CDC5L: variants seen among roughly 807,000 people sequenced by gnomAD.
CDC5L encodes cell division cycle 5 like.
In CDC5L, 18 loss-of-function variants were observed where a neutral mutation model predicts 104.1. The ratio of observed to expected loss-of-function variants is 0.17; its 90% CI spans 0.12 to 0.26. The LOEUF is 0.26. Ranked by LOEUF, CDC5L falls within the 10% of genes least tolerant of loss-of-function variation. The probability of loss-of-function intolerance (pLI) is 1.00; values close to 1 mark genes in which losing one functional copy is unlikely to be tolerated. For missense variants in CDC5L, 673 were observed against 956.9 expected (o/e 0.70, Z 3.91); for synonymous variants, 331 against 322.7 (o/e 1.03, Z -0.28).
chr6:44,441,586 AG>A (rs1793192198), intron 14 of CDC5L, among the ~76,000 whole-genome samples: 1 of 152,234 alleles, frequency 6.6e-6, no homozygotes, highest in Non-Finnish European at 1.5e-5. Flanking sequence ...AACAGTGAAC[AG>A]GGGTTCTCTT....
Position 44,424,405 on chromosome 6 carries a change from C to T in CDC5L, c.1405-14C>T. The T allele has an allele frequency of 6.2e-7, 1 of 1,608,062 alleles. No individual in the cohort carries two copies. The highest frequency in any genetic ancestry group is 1.1e-5 in the South Asian group (1 of 90,638). On this transcript the variant is annotated splice_polypyrimidine_tract_variant and intron_variant, in intron 10 of 15. Transcript: ENST00000371477. ...AATATGCATGAATTGAGAAGGACCA[C>T]TTCTTTTCTACAGGAAAGAGAATCC...
intron 8 of CDC5L, among the ~76,000 whole-genome samples, chr6:44,416,390 T>C (rs918799290): frequency 1.3e-5 from 2 of 152,090 alleles, no homozygotes; most frequent in Non-Finnish European, 2.9e-5. Flanking sequence ...AGAAGTCTGG[T>C]CACCAGGGCT....
At chr6:44,430,012 C>A in intron 14 of CDC5L, 102 bp downstream of exon 14, 2 of 814,792 alleles carry the variant, frequency 2.5e-6, no homozygotes, top group Non-Finnish European at 3.9e-6. Flanking sequence ...ACCTGAGGTG[C>A]TTATTGCCTT....
intron 14 of CDC5L, among the ~76,000 whole-genome samples, chr6:44,434,541 T>C (rs113781910): frequency 9.2e-5 from 14 of 152,294 alleles, no homozygotes; most frequent in African/African-American, 1.7e-4. Context: ...ATATTGCTGA[T>C]TGATGGACTG....
At chr6:44,388,144 A>ACCCCGCCCCCCCGCCC (rs1345771818) in intron 1 of CDC5L, among the ~76,000 whole-genome samples, 2 of 44,866 alleles carry the variant, frequency 4.5e-5, no homozygotes, top group Admixed American at 3.1e-4. Context: ...GCCCCCTCCC[A>ACCCCGCCCCCCCGCCC]CCCCGCCCCC....
chr6:44,442,375 TTGTG>T (rs149528659), intron 14 of CDC5L, among the ~76,000 whole-genome samples: 13,541 of 144,992 alleles, frequency 0.093, 789 homozygotes, highest in Admixed American at 0.2. Flanking sequence ...TGTGTGTATG[TTGTG>T]TGTGTGTGTG....
intron 14 of CDC5L, among the ~76,000 whole-genome samples, chr6:44,430,445 T>C (rs950688523): frequency 2.0e-5 from 3 of 148,566 alleles, no homozygotes; most frequent in African/African-American, 7.5e-5. Context: ...GTTGAAAACA[T>C]ACTAGATGCA....
At position 44,447,445 on chromosome 6, in the gene CDC5L, G is replaced by A. The variant is rs998886413; in HGVS notation, c.*734G>A. The A allele has an allele frequency of 3.3e-5, 5 of 152,306 alleles. No homozygotes were observed. The highest frequency in any genetic ancestry group is 5.9e-5 in the Non-Finnish European group (4 of 68,032). 9.4% of individuals were successfully genotyped at this position (152,306 alleles called of 1,614,324 possible). A position where few individuals can be genotyped will look rare whatever the true frequency, so the allele number is the denominator to read the frequency against. ...AAGGCCATCAAACTTAAAGCTCTAT[G>A]TTTAGCCTAAGAAGTCAGTTACATC... On this transcript the variant is annotated 3_prime_UTR_variant, in exon 16 of 16. Transcript: ENST00000371477.
intron 14 of CDC5L, among the ~76,000 whole-genome samples, chr6:44,442,375 T>TTGTG (rs149528659): frequency 0.03 from 4,332 of 145,048 alleles, 106 homozygotes; most frequent in African/African-American, 0.065. Context: ...TGTGTGTATG[T>TTGTG]TGTGTGTGTG....
At chr6:44,404,067 TAGG>T in intron 6 of CDC5L, 40 bp downstream of exon 6, 1 of 1,449,212 alleles carries the variant, frequency 6.9e-7, no homozygotes. Flanking sequence ...AAAGGAATAG[TAGG>T]AGGAGTCTTA....
chr6:44,394,018 G>A (rs1285518603), intron 4 of CDC5L, among the ~76,000 whole-genome samples: 1 of 152,172 alleles, frequency 6.6e-6, no homozygotes, highest in Non-Finnish European at 1.5e-5. Flanking sequence ...AATATGTCCA[G>A]TGTTTTCTGT....
chr6:44,415,630 A>G (rs1282507737), intron 8 of CDC5L, among the ~76,000 whole-genome samples: 1 of 151,846 alleles, frequency 6.6e-6, no homozygotes, highest in Non-Finnish European at 1.5e-5. Flanking sequence ...TATAGCCTGC[A>G]AGAAGGAGGA....
chr6:44,409,714 C>T (rs1244284500), intron 8 of CDC5L, among the ~76,000 whole-genome samples: 1 of 152,150 alleles, frequency 6.6e-6, no homozygotes, highest in Admixed American at 6.5e-5. Flanking sequence ...AGAAATCTTT[C>T]TTAGAACTTC....
chr6:44,413,441 GCT>G (rs1791750035), intron 8 of CDC5L, among the ~76,000 whole-genome samples: 1 of 152,132 alleles, frequency 6.6e-6, no homozygotes, highest in Non-Finnish European at 1.5e-5. Context: ...TAGGAATAAT[GCT>G]GCTTTGAACA....
At chr6:44,442,822 G>A (rs1233245405) in intron 14 of CDC5L, among the ~76,000 whole-genome samples, 1 of 152,074 alleles carries the variant, frequency 6.6e-6, no homozygotes, top group African/African-American at 2.4e-5. Flanking sequence ...TACAAAAAAA[G>A]TTTTATACTT....
chr6:44,395,287 A>G (rs1254492953), intron 4 of CDC5L, among the ~76,000 whole-genome samples: 1 of 152,230 alleles, frequency 6.6e-6, no homozygotes, highest in Non-Finnish European at 1.5e-5. Context: ...ACTCAAGGTG[A>G]TGGGTACCCC....
At chr6:44,393,680 T>C in intron 4 of CDC5L, 107 bp downstream of exon 4, 1 of 1,189,726 alleles carries the variant, frequency 8.4e-7, no homozygotes, top group Non-Finnish European at 1.2e-6. Context: ...CCCTTTTTTT[T>C]TTGAGACAAG....
chr6:44,426,653 A>G lies in CDC5L; in HGVS notation c.1822A>G (p.Asn608Asp), dbSNP rs766556577. The stretch of plus-strand genomic sequence containing the variant: ...AGGCAAAACTGTAGGGTTTGGTACC[A>G]ATAATTCAGAGCACATTACCTATCT... Reference protein sequence around the residue: ...KKGKTVGFGTNNSEHITYLEH... With the variant: ...KKGKTVGFGTDNSEHITYLEH... Residue 608 changes from asparagine (N) to aspartate (D), a missense_variant, in exon 13 of 16, where the codon AAT (asparagine) becomes GAT (aspartate). Asn to Asp is a conservative substitution (Grantham distance 23). This residue lies in a region of CDC5L where 578 missense variants were observed against 737.0 expected (regional missense o/e 0.78). Coordinates refer to ENST00000371477, the MANE Select transcript of CDC5L (RefSeq NM_001253.4). The G allele has an allele frequency of 6.2e-7, 1 of 1,613,174 alleles. No individual in the cohort carries two copies. Among genetic ancestry groups the G allele is most frequent in the South Asian group, 1.1e-5 (1 of 91,042 alleles).
At chr6:44,426,055 A>G (rs1402164841) in intron 11 of CDC5L, 48 bp from the exon 12 acceptor site, 3 of 1,278,340 alleles carry the variant, frequency 2.3e-6, no homozygotes, top group East Asian at 2.4e-5. Context: ...ACTGAGAGAT[A>G]TCAAATACGC....
Sources: allele counts gnomAD v4.1 joint callset (sites outside exome capture counted in the v4.1 genomes callset), GRCh38; gene constraint gnomAD v4.1.1; regional missense constraint gnomAD v4.1.1; transcripts MANE v1.5; gene names NCBI Gene and HGNC (gene_info 2026-07-23, HGNC 2026-07-21).